MAGI1: variants seen among roughly 807,000 people sequenced by gnomAD.
The protein encoded by MAGI1 is membrane-associated guanylate kinase, WW and PDZ domain-containing protein 1.
A neutral mutation model predicts 139.9 loss-of-function variants in MAGI1; 58 were observed. The ratio of observed to expected loss-of-function variants is 0.41; its 90% CI spans 0.34 to 0.52. MAGI1 has a LOEUF of 0.52. MAGI1 is among the 20% of genes least tolerant of loss of function. MAGI1 has a pLI of 0.12. For missense variants in MAGI1, 1,874 were observed against 1,901.6 expected (o/e 0.99, Z 0.27); for synonymous variants, 812 against 737.9 (o/e 1.10, Z -1.63).
intron 1 of MAGI1, among the ~76,000 whole-genome samples, chr3:65,671,583 T>C (rs951083645): frequency 3.9e-5 from 6 of 152,176 alleles, no homozygotes; most frequent in African/African-American, 1.4e-4. Context: ...AAAATGCAGA[T>C]AGCAAGTCTT....
At chr3:66,025,077 C>T (rs546287485) in intron 1 of MAGI1, among the ~76,000 whole-genome samples, 23 of 152,006 alleles carry the variant, frequency 1.5e-4, no homozygotes, top group South Asian at 4.1e-4. Context: ...TGAAGATGTT[C>T]GCTAAAATGT....
Position 65,383,532 on chromosome 3 carries a change from A to T in MAGI1, c.2508T>A (p.Pro836=). 6.2e-7 allele frequency: 1 copy of T among 1,609,172 alleles called. No homozygotes were observed. The highest frequency in any genetic ancestry group is 8.5e-7 in the Non-Finnish European group (1 of 1,175,518). ...RILGGNEPGE[P]IYIGHIVPLG... ...GAAGAGAGACAAGCAAAAGACTCAC[A>T]GGTTCCCCTGGTTCATTTCCACCCA... Residue 836 remains proline (P), a splice_region_variant and synonymous_variant, in exon 15 of 23, where the codon CCT becomes CCA. Transcript: ENST00000402939.
At chr3:65,596,558 T>C (rs1310752415) in intron 2 of MAGI1, among the ~76,000 whole-genome samples, 1 of 152,198 alleles carries the variant, frequency 6.6e-6, no homozygotes, top group Non-Finnish European at 1.5e-5. Flanking sequence ...TCAAATAATT[T>C]AGTTCAGGCA....
intron 1 of MAGI1, chr3:65,893,815 G>C (rs2060860757): frequency 6.6e-6 from 1 of 152,132 alleles, no homozygotes; most frequent in South Asian, 2.1e-4. Context: ...TTTGTACAAA[G>C]CACAGCTGAA....
At chr3:65,442,596 T>G (rs1044942770) in intron 8 of MAGI1, among the ~76,000 whole-genome samples, 196 bp downstream of exon 8, 3 of 152,192 alleles carry the variant, frequency 2.0e-5, no homozygotes, top group African/African-American at 7.2e-5. Context: ...CCCATGTGAA[T>G]TTAATAATAT....
chr3:65,584,187 C>G (rs780849807), intron 2 of MAGI1, among the ~76,000 whole-genome samples: 1 of 150,878 alleles, frequency 6.6e-6, no homozygotes, highest in Non-Finnish European at 1.5e-5. Context: ...GAATGAGCTA[C>G]TTTGGCCTAA....
intron 1 of MAGI1, among the ~76,000 whole-genome samples, chr3:65,878,079 C>A (rs1036492369): frequency 6.6e-6 from 1 of 152,104 alleles, no homozygotes; most frequent in African/African-American, 2.4e-5. Flanking sequence ...CCACTGCACT[C>A]CAGCCTACGT....
chr3:65,718,287 T>C (rs575140558), intron 1 of MAGI1, among the ~76,000 whole-genome samples: 1 of 152,152 alleles, frequency 6.6e-6, no homozygotes, highest in African/African-American at 2.4e-5. Flanking sequence ...TGGCTGGACC[T>C]AAGAGATAGC....
intron 1 of MAGI1, among the ~76,000 whole-genome samples, chr3:66,023,833 T>A (rs2068088384): frequency 6.6e-6 from 1 of 152,100 alleles, no homozygotes; most frequent in Non-Finnish European, 1.5e-5. Context: ...GAACTCAAAT[T>A]CACGTGAACA....
intron 1 of MAGI1, among the ~76,000 whole-genome samples, chr3:65,884,207 T>C (rs1435356072): frequency 6.6e-6 from 1 of 152,198 alleles, no homozygotes; most frequent in Non-Finnish European, 1.5e-5. Flanking sequence ...CACGTCCGAA[T>C]AAAGCCTACC....
rs1455096615 is a variant in MAGI1, at chr3:65,641,942, C to G, written c.314-19854G>C. On this transcript the variant is annotated intron_variant, in intron 1 of 22. Transcript: ENST00000402939. The stretch of plus-strand genomic sequence containing the variant: ...CAAATACAAAGGATGGGTTAGGGGC[C>G]CAAGGTTTCTGCCAGGCTGTGATCG... Among the ~76,000 whole-genome samples the G allele has an allele frequency of 2.0e-4, 30 of 152,096 alleles. 1 individual carries two copies.
chr3:65,958,528 T>C (rs180950246), intron 1 of MAGI1, among the ~76,000 whole-genome samples: 3 of 152,356 alleles, frequency 2.0e-5, no homozygotes, highest in African/African-American at 7.2e-5. Flanking sequence ...CTGGGCATTC[T>C]CTGCAGTGGT....
intron 1 of MAGI1, among the ~76,000 whole-genome samples, chr3:65,680,548 G>A (rs1420429387): frequency 2.0e-5 from 3 of 152,136 alleles, no homozygotes; most frequent in East Asian, 1.9e-4. Flanking sequence ...CTGAGGAGCT[G>A]GGACTACAAG....
In MAGI1 at chr3:65,379,358, C is replaced by T; in HGVS notation, c.2898G>A (p.Val966=). 1 of 1,613,174 alleles carries T rather than the reference C, an allele frequency of 6.2e-7. No homozygotes were observed. The highest frequency in any genetic ancestry group is 8.5e-7 in the Non-Finnish European group (1 of 1,179,576). ...GCCGGATCTCCACGTCGTAGGGCTG[C>T]ACCACGGTGCTGACCACGCCGCTGC... ...GGGSGVVSTV[V]QPYDVEIRRG... is the part of the protein sequence containing the mutation. The change falls in exon 17 of 23, where the codon GTG becomes GTA. Residue 966 remains valine, a synonymous_variant. Coordinates refer to ENST00000402939, the MANE Select transcript of MAGI1 (RefSeq NM_001033057.2).
intron 1 of MAGI1, among the ~76,000 whole-genome samples, chr3:65,856,176 T>A (rs1414911193): frequency 6.6e-6 from 1 of 152,152 alleles, no homozygotes; most frequent in East Asian, 1.9e-4. Flanking sequence ...CACATATGGC[T>A]AATGGCTACC....
chr3:65,866,236 CAG>C (rs926071298), intron 1 of MAGI1, among the ~76,000 whole-genome samples: 6 of 149,710 alleles, frequency 4.0e-5, no homozygotes, highest in African/African-American at 1.2e-4. Context: ...TTTTAACAGA[CAG>C]AGTCTTGTTT....
intron 1 of MAGI1, among the ~76,000 whole-genome samples, chr3:65,658,609 C>T (rs1166571689): frequency 3.3e-5 from 5 of 152,140 alleles, no homozygotes; most frequent in Non-Finnish European, 1.5e-5. Context: ...TGAGTCCTTA[C>T]ATTCTGCATG....
chr3:65,865,872 T>C (rs1328952955), intron 1 of MAGI1, among the ~76,000 whole-genome samples: 1 of 152,104 alleles, frequency 6.6e-6, no homozygotes, highest in Non-Finnish European at 1.5e-5. Context: ...ACTCCTGACC[T>C]CAGGTGATCC....
At chr3:65,861,585 G>C (rs1399706644) in intron 1 of MAGI1, among the ~76,000 whole-genome samples, 2 of 152,164 alleles carry the variant, frequency 1.3e-5, no homozygotes, top group Non-Finnish European at 2.9e-5. Context: ...ATAAAGATGG[G>C]TAACAGTGCA....
Sources: allele counts gnomAD v4.1 joint callset (sites outside exome capture counted in the v4.1 genomes callset), GRCh38; gene constraint gnomAD v4.1.1; transcripts MANE v1.5; gene names NCBI Gene and HGNC (gene_info 2026-07-23, HGNC 2026-07-21).